Variants in HSPB1 observed in about 807,000 individuals in gnomAD.
HSPB1 encodes heat shock protein family B (small) member 1, also known as heat shock protein beta-1.
In HSPB1, 19 loss-of-function variants were observed where a neutral mutation model predicts 17.0. That is an observed-to-expected ratio of 1.12 (90% CI 0.78 to 1.64). The LOEUF is 1.64. Among genes scored for constraint, HSPB1 ranks in the 40% most tolerant of loss-of-function variants. The pLI, the probability that HSPB1 is intolerant of heterozygous loss-of-function variation, is 0.00. For synonymous variants in HSPB1, 165 were observed against 129.8 expected (o/e 1.27, Z -1.84); for missense variants, 348 against 289.2 (o/e 1.20, Z -1.47).
In HSPB1 at chr7:76,303,009, G is replaced by A. The variant is rs1256529019; in HGVS notation, c.297G>A (p.Leu99=). 3.9e-6 allele frequency: 6 copies of A among 1,544,160 alleles called. No individual in the cohort carries two copies. The highest frequency in any genetic ancestry group is 1.2e-5 in the South Asian group (1 of 85,036). The part of the protein sequence containing the change: ...RHTADRWRVS[L]DVNHFAPDEL... ...CTGCGGACCGCTGGCGCGTGTCCCT[G>A]GATGTCAACCACTTCGCCCCGGACG... The change falls in exon 1 of 3, where the codon CTG becomes CTA. Residue 99 remains leucine (L), a synonymous_variant. Transcript: ENST00000248553.
At position 76,303,794 on chromosome 7, in the gene HSPB1, C is replaced by A. The variant is rs1377193137; in HGVS notation, c.365-8C>A. 1.2e-6 allele frequency: 2 copies of A among 1,610,630 alleles called. No homozygotes were observed. The highest frequency in any genetic ancestry group is 2.2e-4 in the Middle Eastern group (1 of 4,446). ...CCCCGCAGTCTGATTTCCCTCTTCC[C>A]CCCAAAGGCAAGCACGAGGAGCGGC... is the stretch of plus-strand genomic sequence containing the variant. On this transcript the variant is annotated splice_region_variant and splice_polypyrimidine_tract_variant and intron_variant, in intron 1 of 2. Transcript: ENST00000248553.
chr7:76,303,561 G>A (rs1330080277), intron 1 of HSPB1: 2 of 594,250 alleles, frequency 3.4e-6, no homozygotes, highest in South Asian at 2.0e-5. Flanking sequence ...GTGCGCCTGC[G>A]TACTGCTCAC....
chr7:76,303,765 C>T, intron 1 of HSPB1, 37 bp from the exon 2 acceptor site: 6 of 1,595,018 alleles, frequency 3.8e-6, no homozygotes, highest in Non-Finnish European at 5.1e-6. Flanking sequence ...AAGGCAGTCC[C>T]CTCCCCCGCA....
Position 76,304,183 on chromosome 7 carries a change from C to T in HSPB1, c.*10C>T, listed in dbSNP as rs1192192531. On this transcript the variant is annotated 3_prime_UTR_variant, in exon 3 of 3. Coordinates refer to ENST00000248553, the MANE Select transcript of HSPB1 (RefSeq NM_001540.5). The stretch of plus-strand genomic sequence containing the variant: ...GACTGCCGCCAAGTAAAGCCTTAGC[C>T]CGGATGCCCACCCCTGCTGCCGCCA... 6.2e-7 allele frequency: 1 copy of T among 1,605,922 alleles called. No individual in the cohort carries two copies. Among genetic ancestry groups the T allele is most frequent in the South Asian group, 1.1e-5 (1 of 89,928 alleles).
chr7:76,303,699 C>A, intron 1 of HSPB1, 103 bp from the exon 2 acceptor site: 1 of 923,068 alleles, frequency 1.1e-6, no homozygotes, highest in Middle Eastern at 3.2e-4. Context: ...CCCTACCAGC[C>A]TGCAGTCCTG....
Position 76,304,120 on chromosome 7 carries a change from G to C in HSPB1, c.565G>C (p.Ala189Pro). The C allele has an allele frequency of 1.9e-6, 3 of 1,613,020 alleles. No homozygotes were observed. The highest frequency in any genetic ancestry group is 2.5e-6 in the Non-Finnish European group (3 of 1,179,686). The change falls in exon 3 of 3, where the codon GCC becomes CCC. Residue 189 changes from alanine (A) to proline (P), a missense_variant. By Grantham distance (27) the Ala-to-Pro change is conservative (BLOSUM62 -1). Coordinates refer to ENST00000248553, the MANE Select transcript of HSPB1 (RefSeq NM_001540.5). ...CATCCCAGTCACCTTCGAGTCGCGG[G>C]CCCAGCTTGGGGGCCCAGAAGCTGC... ...ITIPVTFESRAQLGGPEAAKS... is the reference protein window; with the variant it reads ...ITIPVTFESRPQLGGPEAAKS...
At position 76,302,814 on chromosome 7, in the gene HSPB1, G is replaced by GCTGCCCCGGCTGC; in HGVS notation, c.104_116dup (p.Glu40AlafsTer125). Reference sequence around the variant, plus strand: ...GCCGCCTCTTCGACCAGGCCTTCGGGCTGCCCCGGCTGCCGGAGGAGTGGT... The same window carrying GCTGCCCCGGCTGC: ...GCCGCCTCTTCGACCAGGCCTTCGGGCTGCCCCGGCTGCCTGCCCCGGCTGCCGGAGGAGTGGT... On this transcript the variant is annotated frameshift_variant, in exon 1 of 3. Transcript: ENST00000248553. LOFTEE classifies it high-confidence loss of function. The GCTGCCCCGGCTGC allele has an allele frequency of 1.0e-5, 16 of 1,606,716 alleles. No homozygotes were observed. Among genetic ancestry groups the GCTGCCCCGGCTGC allele is most frequent in the Non-Finnish European group, 1.4e-5 (16 of 1,178,802 alleles).
chr7:76,303,894 T>C, intron 2 of HSPB1, 29 bp downstream of exon 2: 1 of 642,684 alleles, frequency 1.6e-6, no homozygotes, highest in Non-Finnish European at 2.7e-6. Flanking sequence ...TCGGGGTGGG[T>C]GGGTGGCGTG....
At position 76,302,757 on chromosome 7, in the gene HSPB1, C is replaced by T. The variant is rs780878780; in HGVS notation, c.45C>T (p.Ser15=). The change falls in exon 1 of 3, where the codon AGC becomes AGT. Residue 15 remains serine, a synonymous_variant. Coordinates refer to ENST00000248553, the MANE Select transcript of HSPB1 (RefSeq NM_001540.5). ...RVPFSLLRGP[S]WDPFRDWYPH... The stretch of plus-strand genomic sequence containing the variant: ...CCTTCTCGCTCCTGCGGGGCCCCAG[C>T]TGGGACCCCTTCCGCGACTGGTACC... 23 of 1,607,012 alleles carry T rather than the reference C, an allele frequency of 1.4e-5. No individual in the cohort carries two copies. The highest frequency in any genetic ancestry group is 8.0e-5 in the African/African-American group (6 of 74,926).
chr7:76,302,776 T>G lies in HSPB1; in HGVS notation c.64T>G (p.Trp22Gly). ...CCCCAGCTGGGACCCCTTCCGCGACTGGTACCCGCATAGCCGCCTCTTCGA... is the reference window on the plus strand; with the variant it reads ...CCCCAGCTGGGACCCCTTCCGCGACGGGTACCCGCATAGCCGCCTCTTCGA... ...RGPSWDPFRD[W>G]YPHSRLFDQA... The change falls in exon 1 of 3, where the codon TGG becomes GGG. Residue 22 changes from tryptophan to glycine, a missense_variant. Transcript: ENST00000248553. 1.2e-6 allele frequency: 2 copies of G among 1,608,090 alleles called. No individual in the cohort carries two copies. The highest frequency in any genetic ancestry group is 1.7e-6 in the Non-Finnish European group (2 of 1,179,502).
In HSPB1 at chr7:76,304,193, A is replaced by G; in HGVS notation, c.*20A>G. ...AAGTAAAGCCTTAGCCCGGATGCCC[A>G]CCCCTGCTGCCGCCACTGGCTGTGC... On this transcript the variant is annotated 3_prime_UTR_variant, in exon 3 of 3. Transcript: ENST00000248553. The G allele has an allele frequency of 1.3e-6, 2 of 1,593,886 alleles. No individual in the cohort carries two copies. The highest frequency in any genetic ancestry group is 1.7e-6 in the Non-Finnish European group (2 of 1,170,620).
Position 76,302,739 on chromosome 7 carries a change from G to T in HSPB1, c.27G>T (p.Ser9=), listed in dbSNP as rs1232413726. 1 of 1,605,050 alleles carries T rather than the reference G, an allele frequency of 6.2e-7. No individual in the cohort carries two copies. Among genetic ancestry groups the T allele is most frequent in the Admixed American group, 1.7e-5 (1 of 59,978 alleles). Residue 9 remains serine (S), a synonymous_variant, in exon 1 of 3, where the codon TCG becomes TCT. Coordinates refer to ENST00000248553, the MANE Select transcript of HSPB1 (RefSeq NM_001540.5). ...TGACCGAGCGCCGCGTCCCCTTCTC[G>T]CTCCTGCGGGGCCCCAGCTGGGACC... MTERRVPF[S]LLRGPSWDPF... is the part of the protein sequence containing the mutation.
rs777261210 is a variant in HSPB1 at position 76,302,807 on chromosome 7, C to T, written c.95C>T (p.Ala32Val). Residue 32 changes from alanine to valine, a missense_variant, in exon 1 of 3, where the codon GCC becomes GTC. Physicochemically the swap from Ala to Val is moderately conservative, Grantham distance 64. Coordinates refer to ENST00000248553, the MANE Select transcript of HSPB1 (RefSeq NM_001540.5). ...WYPHSRLFDQ[A>V]FGLPRLPEEW... is the part of the protein sequence containing the mutation. ...CCGCATAGCCGCCTCTTCGACCAGG[C>T]CTTCGGGCTGCCCCGGCTGCCGGAG... The T allele has an allele frequency of 4.4e-6, 7 of 1,608,334 alleles. No homozygotes were observed. Among genetic ancestry groups the T allele is most frequent in the East Asian group, 4.5e-5 (2 of 44,814 alleles).
chr7:76,303,620 G>A, intron 1 of HSPB1, 182 bp from the exon 2 acceptor site: 4 of 639,350 alleles, frequency 6.3e-6, no homozygotes, highest in Non-Finnish European at 2.9e-6. Context: ...CTGAATCGAA[G>A]AACTTTCCGG....
At chr7:76,303,730 G>T in intron 1 of HSPB1, 72 bp from the exon 2 acceptor site, 1 of 1,360,726 alleles carries the variant, frequency 7.3e-7, no homozygotes. Flanking sequence ...AGCAGGAGGT[G>T]GGGCCTCTGG....
chr7:76,303,648 G>A (rs1803052066), intron 1 of HSPB1, 154 bp from the exon 2 acceptor site: 1 of 658,282 alleles, frequency 1.5e-6, no homozygotes, highest in South Asian at 1.8e-5. Context: ...TGAGAGCCCA[G>A]ACCGGCGGGC....
chr7:76,303,077 G>A lies in HSPB1; in HGVS notation c.364+1G>A. On this transcript the variant is annotated splice_donor_variant, in intron 1 of 2. Coordinates refer to ENST00000248553, the MANE Select transcript of HSPB1 (RefSeq NM_001540.5). LOFTEE classifies it high-confidence loss of function. ...AAGGATGGCGTGGTGGAGATCACCGGTGAGCCCCCCTGCTCCTGCAGGGGA... is the reference window on the plus strand; with the variant it reads ...AAGGATGGCGTGGTGGAGATCACCGATGAGCCCCCCTGCTCCTGCAGGGGA... 1 of 1,523,046 alleles carries A rather than the reference G, an allele frequency of 6.6e-7. No individual in the cohort carries two copies. Among genetic ancestry groups the A allele is most frequent in the Non-Finnish European group, 8.8e-7 (1 of 1,136,090 alleles). The allele number at this position is 1,523,046 out of a possible 1,614,324, so 94.3% of individuals were successfully genotyped here.
intron 1 of HSPB1, chr7:76,303,356 G>A: frequency 2.0e-6 from 1 of 498,308 alleles, no homozygotes; most frequent in South Asian, 3.2e-5. Flanking sequence ...AGCGAGACGC[G>A]CCCCCCCGCC....
chr7:76,302,818 C>T lies in HSPB1; in HGVS notation c.106C>T (p.Pro36Ser), dbSNP rs2117157946. 1.9e-6 allele frequency: 3 copies of T among 1,606,930 alleles called. No homozygotes were observed. Among genetic ancestry groups the T allele is most frequent in the African/African-American group, 2.7e-5 (2 of 75,018 alleles). The change falls in exon 1 of 3, where the codon CCC becomes TCC. Residue 36 changes from proline (P) to serine (S), a missense_variant. Physicochemically the swap from Pro to Ser is moderately conservative, Grantham distance 74 (BLOSUM62 -1). Transcript: ENST00000248553. ...CCTCTTCGACCAGGCCTTCGGGCTG[C>T]CCCGGCTGCCGGAGGAGTGGTCGCA... Reference protein sequence around the residue: ...SRLFDQAFGLPRLPEEWSQWL... With the variant: ...SRLFDQAFGLSRLPEEWSQWL...
Sources: allele counts gnomAD v4.1 joint callset, GRCh38; gene constraint gnomAD v4.1.1; transcripts MANE v1.5; gene names NCBI Gene and HGNC (gene_info 2026-07-23, HGNC 2026-07-21).